Variants in ADGRV1 observed in about 807,000 individuals in gnomAD.
ADGRV1 encodes adhesion G protein-coupled receptor V1, also known as G-protein coupled receptor 98.
ADGRV1 carries 359 observed loss-of-function variants against 596.2 expected under a neutral mutation model. The observed-to-expected ratio is 0.60, with a 90% CI of 0.55 to 0.66. The LOEUF (loss-of-function observed/expected upper bound fraction) is 0.66. ADGRV1 is among the 30% of genes least tolerant of loss of function. The probability of loss-of-function intolerance (pLI) is 0.00; values close to 1 mark genes in which losing one functional copy is unlikely to be tolerated. For synonymous variants in ADGRV1, 2,681 were observed against 2,679.2 expected (o/e 1.00, Z -0.02); for missense variants, 7,274 against 7,575.6 (o/e 0.96, Z 1.48).
intron 83 of ADGRV1, among the ~76,000 whole-genome samples, chr5:90,872,711 C>T (rs142351161): frequency 2.0e-5 from 3 of 152,132 alleles, no homozygotes; most frequent in Admixed American, 6.5e-5. Context: ...TGTGACTTGC[C>T]CCAGGTCTCA....
intron 55 of ADGRV1, among the ~76,000 whole-genome samples, chr5:90,755,651 A>G (rs999429877): frequency 1.3e-5 from 2 of 151,700 alleles, no homozygotes; most frequent in African/African-American, 4.9e-5. Context: ...GTATTTATCC[A>G]TGTATGTATG....
intron 83 of ADGRV1, among the ~76,000 whole-genome samples, chr5:90,905,935 A>G (rs540433723): frequency 9.0e-4 from 137 of 152,146 alleles, no homozygotes; most frequent in African/African-American, 3.0e-3. Context: ...AGTTTTTATT[A>G]TGAAGGAATG....
chr5:90,802,930 C>T (rs1289293890), intron 71 of ADGRV1, 48 bp downstream of exon 71: 6 of 1,485,462 alleles, frequency 4.0e-6, no homozygotes, highest in Non-Finnish European at 5.4e-6. Context: ...TAGAGGGCAG[C>T]TTTTACAGGA....
chr5:90,972,619 G>A (rs955083721), intron 84 of ADGRV1, among the ~76,000 whole-genome samples: 1 of 152,040 alleles, frequency 6.6e-6, no homozygotes, highest in Non-Finnish European at 1.5e-5. Flanking sequence ...AAATAACGAA[G>A]TGAAGGCAGA....
At chr5:91,138,772 CT>C (rs34573065) in intron 87 of ADGRV1, among the ~76,000 whole-genome samples, 3,514 of 138,030 alleles carry the variant, frequency 0.025, 38 homozygotes, top group African/African-American at 0.048. Context: ...TATTGGTAAA[CT>C]TTTTTTTTTT....
At chr5:90,580,897 C>T (rs574755358) in intron 1 of ADGRV1, among the ~76,000 whole-genome samples, 7 of 152,020 alleles carry the variant, frequency 4.6e-5, no homozygotes, top group East Asian at 1.9e-4. Flanking sequence ...ACCAATCAAA[C>T]GTAGATTTGG....
chr5:90,711,417 A>G, intron 41 of ADGRV1, 95 bp downstream of exon 41: 1 of 905,696 alleles, frequency 1.1e-6, no homozygotes, highest in Non-Finnish European at 1.6e-6. Flanking sequence ...ATATAAATAA[A>G]TTATTCTTAA....
intron 83 of ADGRV1, among the ~76,000 whole-genome samples, chr5:90,876,694 C>T (rs1290149148): frequency 6.6e-6 from 1 of 152,148 alleles, no homozygotes; most frequent in East Asian, 1.9e-4. Context: ...CAGATGAGGT[C>T]AAGCAAGTCT....
chr5:91,124,266 G>A (rs1345519870), intron 87 of ADGRV1, among the ~76,000 whole-genome samples: 1 of 151,840 alleles, frequency 6.6e-6, no homozygotes, highest in Non-Finnish European at 1.5e-5. Flanking sequence ...TAAACCTTTT[G>A]GGCTATTTTT....
chr5:90,625,454 C>T, intron 6 of ADGRV1: 1 of 383,436 alleles, frequency 2.6e-6, no homozygotes, highest in Non-Finnish European at 4.6e-6. Context: ...AACCATACAT[C>T]ATACAAATAT....
At chr5:90,865,503 C>T (rs1040800647) in intron 83 of ADGRV1, among the ~76,000 whole-genome samples, 1 of 152,048 alleles carries the variant, frequency 6.6e-6, no homozygotes, top group African/African-American at 2.4e-5. Flanking sequence ...TCATATTGTA[C>T]TTAACATTAA....
chr5:90,986,126 A>G lies in ADGRV1; in HGVS notation c.18152+604A>G, dbSNP rs538019365. On this transcript the variant is annotated intron_variant, in intron 85 of 89. Transcript: ENST00000405460. ...ATATATTATGCATATATATATATAT[A>G]TGTGACTTAATCCTAAATCCGGTAT... is the stretch of plus-strand genomic sequence containing the variant. Among the ~76,000 whole-genome samples, 60 of 148,538 alleles carry G rather than the reference A, an allele frequency of 4.0e-4. No homozygotes were observed. In the South Asian group the frequency reaches 0.011, roughly 27 times the overall value.
At chr5:91,092,965 C>T (rs1314306203) in intron 86 of ADGRV1, among the ~76,000 whole-genome samples, 1 of 152,106 alleles carries the variant, frequency 6.6e-6, no homozygotes, top group African/African-American at 2.4e-5. Context: ...GTTTCCCTCT[C>T]TGGAGTGCAG....
At chr5:90,798,829 A>G (rs889318296) in intron 70 of ADGRV1, among the ~76,000 whole-genome samples, 3 of 152,230 alleles carry the variant, frequency 2.0e-5, no homozygotes, top group African/African-American at 4.8e-5. Context: ...CAAAAACCAC[A>G]TGATTATCTC....
At chr5:90,582,433 A>G (rs1050103006) in intron 1 of ADGRV1, among the ~76,000 whole-genome samples, 3 of 152,120 alleles carry the variant, frequency 2.0e-5, no homozygotes, top group African/African-American at 2.4e-5. Flanking sequence ...TGTACCCTTT[A>G]TCATTCTGTA....
intron 31 of ADGRV1, chr5:90,691,274 T>C: frequency 7.3e-6 from 4 of 547,372 alleles, no homozygotes; most frequent in South Asian, 6.9e-5. Flanking sequence ...TTTGTACAAT[T>C]AACTTGCATT....
chr5:90,791,994 TG>T (rs1760131034), intron 70 of ADGRV1: 1 of 152,198 alleles, frequency 6.6e-6, no homozygotes, highest in Non-Finnish European at 1.5e-5. Context: ...CTCCCAAGGA[TG>T]GTACATGTCA....
intron 89 of ADGRV1, among the ~76,000 whole-genome samples, chr5:91,160,257 T>C (rs1796833098): frequency 6.6e-6 from 1 of 152,228 alleles, no homozygotes. Context: ...AGATATCCCA[T>C]CAAACCACAA....
intron 85 of ADGRV1, among the ~76,000 whole-genome samples, chr5:91,012,368 A>C (rs1048266497): frequency 1.3e-5 from 2 of 151,938 alleles, no homozygotes; most frequent in African/African-American, 4.8e-5. Context: ...TATATTAATA[A>C]GTTGCCTTCA....
Sources: allele counts gnomAD v4.1 joint callset (sites outside exome capture counted in the v4.1 genomes callset), GRCh38; gene constraint gnomAD v4.1.1; transcripts MANE v1.5; gene names NCBI Gene and HGNC (gene_info 2026-07-23, HGNC 2026-07-21).